CNIH3: variants seen among roughly 807,000 people sequenced by gnomAD.
CNIH3 encodes the protein cornichon family AMPA receptor auxiliary protein 3.
In CNIH3, 14 loss-of-function variants were observed where a neutral mutation model predicts 24.1. That is an observed-to-expected ratio of 0.58 (90% confidence interval 0.38 to 0.91). The LOEUF is 0.91. CNIH3 is among the 40% of genes least tolerant of loss of function. The pLI, the probability that CNIH3 is intolerant of heterozygous loss-of-function variation, is 0.00. For synonymous variants in CNIH3, 68 were observed against 73.8 expected, an observed-to-expected ratio of 0.92 and a Z score of 0.40; for missense variants, 178 against 196.8, an observed-to-expected ratio of 0.90 and a Z score of 0.57.
intron 1 of CNIH3, among the ~76,000 whole-genome samples, chr1:224,671,261 G>A (rs759046023): frequency 8.5e-5 from 13 of 152,222 alleles, no homozygotes; most frequent in Admixed American, 5.9e-4. Context: ...GGTGGAGTTA[G>A]GGCAAGACTC....
intron 3 of CNIH3, among the ~76,000 whole-genome samples, chr1:224,611,034 C>T (rs1330451956): frequency 6.6e-6 from 1 of 152,188 alleles, no homozygotes; most frequent in African/African-American, 2.4e-5. Context: ...CCTTCCTTTG[C>T]CTTTCTATTT....
chr1:224,534,820 CA>C (rs1402135180), intron 2 of CNIH3, among the ~76,000 whole-genome samples: 3 of 152,186 alleles, frequency 2.0e-5, no homozygotes, highest in Non-Finnish European at 4.4e-5. Flanking sequence ...AGCCGCATTA[CA>C]GGGGCTGATC....
chr1:224,472,780 T>C lies in CNIH3; in HGVS notation n.203+37918T>C, dbSNP rs866962748. On this transcript the variant is annotated intron_variant and non_coding_transcript_variant, in intron 1 of 5. Coordinates refer to the CNIH3 transcript ENST00000471578. ...GACACCACCTGTTCCCCAAAAATCC[T>C]ATTGAAATAAAAAAATTAAAAATCA... is the stretch of plus-strand genomic sequence containing the variant. Among the ~76,000 whole-genome samples the C allele has an allele frequency of 7.9e-5, 12 of 152,314 alleles. No individual in the cohort carries two copies. The Middle Eastern group carries it at 0.02, about 259-fold the overall frequency.
intron 3 of CNIH3, among the ~76,000 whole-genome samples, chr1:224,608,687 ACTT>A (rs1331013810): frequency 1.3e-5 from 2 of 152,010 alleles, no homozygotes; most frequent in African/African-American, 4.8e-5. Flanking sequence ...TTTAGTTTTT[ACTT>A]CTTCTTTCTT....
intron 1 of CNIH3, among the ~76,000 whole-genome samples, chr1:224,460,275 G>A (rs977074513): frequency 1.3e-5 from 2 of 152,084 alleles, no homozygotes; most frequent in Non-Finnish European, 2.9e-5. Context: ...TATATTTAAA[G>A]TGGATAATTT....
intron 1 of CNIH3, among the ~76,000 whole-genome samples, chr1:224,627,064 C>T (rs55771124): frequency 0.016 from 2,432 of 152,208 alleles, 52 homozygotes; most frequent in East Asian, 0.093. Context: ...GAACAGGGCT[C>T]TTGGTGTCCA....
upstream of CNIH3, among the ~76,000 whole-genome samples, chr1:224,511,246 A>G (rs1678138603): frequency 6.6e-6 from 1 of 152,218 alleles, no homozygotes; most frequent in South Asian, 2.1e-4. Flanking sequence ...TTCAGTCTGT[A>G]ACTCATGGTG....
At chr1:224,719,798 G>A (rs1688617010) in intron 3 of CNIH3, among the ~76,000 whole-genome samples, 1 of 152,162 alleles carries the variant, frequency 6.6e-6, no homozygotes, top group Non-Finnish European at 1.5e-5. Flanking sequence ...CTAAGACACT[G>A]GCACTCAATC....
chr1:224,563,617 T>C (rs1680466498), intron 3 of CNIH3, among the ~76,000 whole-genome samples: 1 of 152,166 alleles, frequency 6.6e-6, no homozygotes, highest in Non-Finnish European at 1.5e-5. Flanking sequence ...TGGCATCCAT[T>C]AGCCTAGGCT....
At position 224,458,447 on chromosome 1, in the gene CNIH3, G is replaced by A. The variant is rs1675768717; in HGVS notation, n.203+23585G>A. On this transcript the variant is annotated intron_variant and non_coding_transcript_variant, in intron 1 of 5. Coordinates refer to the CNIH3 transcript ENST00000471578. The surrounding 1 kb of genome is among the most constrained non-coding windows in gnomAD (Gnocchi z 4.3). ...CGATCGCACAAGGCTTGGCAAGGCA[G>A]ATGCTCCCCAGCTCCTGACATCAGA... is the stretch of plus-strand genomic sequence containing the variant. Among the ~76,000 whole-genome samples the A allele has an allele frequency of 6.6e-6, 1 of 152,212 alleles. No individual in the cohort carries two copies. The highest frequency in any genetic ancestry group is 6.5e-5 in the Admixed American group (1 of 15,286).
At chr1:224,565,393 G>GC (rs1356288503) in intron 3 of CNIH3, 3 of 152,244 alleles carry the variant, frequency 2.0e-5, no homozygotes, top group Non-Finnish European at 2.9e-5. Context: ...CAGGAGTTCT[G>GC]CTCTCCAGGT....
chr1:224,591,722 T>G (rs1370426795), downstream of CNIH3, among the ~76,000 whole-genome samples: 3 of 152,220 alleles, frequency 2.0e-5, no homozygotes, highest in Admixed American at 6.5e-5. Context: ...GGCCTCCACC[T>G]CTGGGGTACA....
chr1:224,540,232 A>G (rs1558143364), downstream of CNIH3, among the ~76,000 whole-genome samples: 1 of 152,208 alleles, frequency 6.6e-6, no homozygotes, highest in Non-Finnish European at 1.5e-5. Context: ...GTTTTGTCTC[A>G]TGGCCCTGAC....
intron 3 of CNIH3, among the ~76,000 whole-genome samples, chr1:224,560,949 C>T (rs992942733): frequency 1.1e-4 from 16 of 151,832 alleles, no homozygotes; most frequent in African/African-American, 2.9e-4. Flanking sequence ...GAATGTATCT[C>T]GTGATTTCAA....
intron 5 of CNIH3, among the ~76,000 whole-genome samples, chr1:224,586,488 A>G (rs550608169): frequency 6.6e-6 from 1 of 152,274 alleles, no homozygotes; most frequent in East Asian, 1.9e-4. Context: ...CCCTCCCACA[A>G]CATGTGGGAA....
intron 1 of CNIH3, among the ~76,000 whole-genome samples, chr1:224,644,948 C>G (rs1684532603): frequency 6.6e-6 from 1 of 152,220 alleles, no homozygotes; most frequent in African/African-American, 2.4e-5. Flanking sequence ...CAGGTAGTGG[C>G]TGAGATCTCT....
chr1:224,483,186 C>T (rs1253303324), intron 1 of CNIH3, among the ~76,000 whole-genome samples: 1 of 152,168 alleles, frequency 6.6e-6, no homozygotes, highest in Non-Finnish European at 1.5e-5. Flanking sequence ...GAAGTTAAAA[C>T]CAGGTACTGT....
chr1:224,452,769 G>A (rs1307368239), intron 1 of CNIH3, among the ~76,000 whole-genome samples: 4 of 108,256 alleles, frequency 3.7e-5, no homozygotes, highest in Admixed American at 1.2e-4. Context: ...GCAACAGAGC[G>A]AAACTCTGTC....
chr1:224,512,318 C>T (rs1182819779), upstream of CNIH3, among the ~76,000 whole-genome samples: 2 of 151,780 alleles, frequency 1.3e-5, no homozygotes, highest in Non-Finnish European at 2.9e-5. Flanking sequence ...CCCATCTCTA[C>T]AGAAAATTAA....
Sources: gnomAD v4.1 joint callset for allele counts (sites outside exome capture counted in the v4.1 genomes callset) on GRCh38, gnomAD v4.1.1 for gene constraint, Gnocchi (gnomAD v3.1) non-coding constraint, MANE v1.5 for transcripts, NCBI Gene and HGNC (gene_info 2026-07-23, HGNC 2026-07-21) for gene names.